The following RYR2 variants were observed in gnomAD, a reference collection of about 807,000 sequenced individuals.
RYR2 encodes cardiac muscle ryanodine receptor-calcium release channel.
In RYR2, 227 loss-of-function variants were observed where a neutral mutation model predicts 601.1. The ratio of observed to expected loss-of-function variants is 0.38; its 90% CI spans 0.34 to 0.42. The LOEUF (loss-of-function observed/expected upper bound fraction) is 0.42. Ranked by LOEUF, RYR2 falls within the 10% of genes least tolerant of loss-of-function variation. The pLI is 1.00. For synonymous variants in RYR2, 2,223 were observed against 2,175.1 expected (o/e 1.02, Z -0.61); for missense variants, 4,646 against 6,156.5 (o/e 0.75, Z 8.21).
At chr1:237,582,269 A>AT (rs34174618) in intron 29 of RYR2, among the ~76,000 whole-genome samples, 28,879 of 147,372 alleles carry the variant, frequency 0.2, 2,953 homozygotes, top group Middle Eastern at 0.28. Flanking sequence ...CACCCAGATA[A>AT]TTTTTTTTTT....
chr1:237,193,151 G>C (rs1161591185), intron 1 of RYR2, among the ~76,000 whole-genome samples: 1 of 13,446 alleles, frequency 7.4e-5, no homozygotes, highest in African/African-American at 1.6e-4. Context: ...TGAAACCTCC[G>C]TCTCTGCTAA....
intron 1 of RYR2, among the ~76,000 whole-genome samples, chr1:237,138,043 A>G (rs1376107641): frequency 6.6e-6 from 1 of 151,450 alleles, no homozygotes; most frequent in African/African-American, 2.4e-5. Flanking sequence ...ATTTTATTTT[A>G]TTTTTTGGGA....
chr1:237,685,879 G>C (rs551485781), intron 62 of RYR2, among the ~76,000 whole-genome samples: 2 of 152,170 alleles, frequency 1.3e-5, no homozygotes, highest in South Asian at 4.1e-4. Flanking sequence ...CAAAACCTCA[G>C]ATTCACTCAG....
chr1:237,266,397 G>A (rs1310259195), intron 1 of RYR2, among the ~76,000 whole-genome samples: 1 of 152,018 alleles, frequency 6.6e-6, no homozygotes. Context: ...ATATCCTCAT[G>A]TGCATTTCAT....
chr1:237,304,997 G>T (rs1408503727), intron 2 of RYR2, among the ~76,000 whole-genome samples: 1 of 152,122 alleles, frequency 6.6e-6, no homozygotes, highest in African/African-American at 2.4e-5. Context: ...AAAATTAAAA[G>T]CACAACGAGG....
intron 13 of RYR2, among the ~76,000 whole-genome samples, chr1:237,444,623 G>A (rs1320507451): frequency 1.3e-5 from 2 of 152,164 alleles, no homozygotes; most frequent in Non-Finnish European, 2.9e-5. Context: ...TGAACCTTGT[G>A]AAGGATAGGG....
intron 12 of RYR2, 141 bp from the exon 13 acceptor site, chr1:237,441,178 T>C: frequency 1.4e-6 from 1 of 694,838 alleles, no homozygotes; most frequent in Non-Finnish European, 2.4e-6. Flanking sequence ...ACTGTTAGAG[T>C]AAAATATTTG....
intron 4 of RYR2, among the ~76,000 whole-genome samples, chr1:237,363,085 A>T (rs953630144): frequency 1.4e-5 from 1 of 70,276 alleles, no homozygotes; most frequent in South Asian, 2.8e-4. Flanking sequence ...TAGCTTAATT[A>T]AAAAAAAAAA....
At chr1:237,424,946 T>G (rs1705993194) in intron 12 of RYR2, among the ~76,000 whole-genome samples, 1 of 152,150 alleles carries the variant, frequency 6.6e-6, no homozygotes, top group Non-Finnish European at 1.5e-5. Flanking sequence ...GTGCAGGAAA[T>G]AGAGAACATT....
At chr1:237,638,952 T>TTTA in intron 45 of RYR2, 63 bp from the exon 46 acceptor site, 1 of 1,551,834 alleles carries the variant, frequency 6.4e-7, no homozygotes, top group Non-Finnish European at 8.8e-7. Context: ...TAGTATAACA[T>TTTA]TTATTTGTTC....
chr1:237,218,398 C>T (rs920715538), intron 1 of RYR2, among the ~76,000 whole-genome samples: 4 of 152,054 alleles, frequency 2.6e-5, no homozygotes, highest in African/African-American at 7.2e-5. Flanking sequence ...GATTATAGGA[C>T]GTGTATGCAT....
intron 17 of RYR2, among the ~76,000 whole-genome samples, chr1:237,472,335 T>A (rs1464840213): frequency 1.3e-5 from 2 of 152,082 alleles, no homozygotes; most frequent in Non-Finnish European, 2.9e-5. Context: ...AATTCTTGAG[T>A]AGAAAAGGGA....
In RYR2 at chr1:237,803,766, G is replaced by A. The variant is rs184109654; in HGVS notation, c.14151+1850G>A. Reference sequence around the variant, plus strand: ...TACCTAAGCTTAAATTATTCATATGGACTCCTCCTCTTCTTTCTCCCTCCA... The same window carrying A: ...TACCTAAGCTTAAATTATTCATATGAACTCCTCCTCTTCTTTCTCCCTCCA... On this transcript the variant is annotated intron_variant, in intron 98 of 104. Transcript: ENST00000366574. Among the ~76,000 whole-genome samples the A allele has an allele frequency of 5.6e-3, 849 of 151,966 alleles. 10 individuals carry two copies. The highest frequency in any genetic ancestry group is 0.019 in the South Asian group (93 of 4,788).
chr1:237,510,551 G>C (rs1030876650), intron 23 of RYR2, among the ~76,000 whole-genome samples: 1 of 152,028 alleles, frequency 6.6e-6, no homozygotes, highest in African/African-American at 2.4e-5. Context: ...TATAAGTCTT[G>C]TTCATTCATA....
chr1:237,810,802 T>C (rs966774392), intron 100 of RYR2, among the ~76,000 whole-genome samples: 17 of 151,900 alleles, frequency 1.1e-4, no homozygotes, highest in African/African-American at 3.6e-4. Context: ...TGGAGAGATA[T>C]ATAAATTACA....
intron 69 of RYR2, 92 bp downstream of exon 69, chr1:237,709,190 T>G (rs2149068125): frequency 4.2e-6 from 5 of 1,199,832 alleles, no homozygotes; most frequent in Non-Finnish European, 5.8e-6. Flanking sequence ...TTCACTATTT[T>G]GCCATGAGCT....
intron 100 of RYR2, among the ~76,000 whole-genome samples, chr1:237,813,697 G>A (rs192294241): frequency 1.4e-3 from 206 of 152,246 alleles, no homozygotes; most frequent in Admixed American, 4.3e-3. Flanking sequence ...ACTTGGTTCC[G>A]GTGAGGAAAT....
intron 1 of RYR2, among the ~76,000 whole-genome samples, chr1:237,269,927 T>C (rs566459179): frequency 5.6e-4 from 85 of 152,328 alleles, no homozygotes; most frequent in Middle Eastern, 6.8e-3. Flanking sequence ...AAATAAATTG[T>C]CTCTCCATAC....
At chr1:237,463,934 C>A (rs1244070815) in intron 16 of RYR2, among the ~76,000 whole-genome samples, 7 of 152,240 alleles carry the variant, frequency 4.6e-5, no homozygotes, top group Middle Eastern at 3.4e-3. Flanking sequence ...AAAATTAATA[C>A]ATTTTAGATA....
Sources: gnomAD v4.1 joint callset for allele counts (sites outside exome capture counted in the v4.1 genomes callset) on GRCh38, gnomAD v4.1.1 for gene constraint, MANE v1.5 for transcripts, NCBI Gene and HGNC (gene_info 2026-07-23, HGNC 2026-07-21) for gene names.